FAF1: variants seen among roughly 807,000 people sequenced by gnomAD.
FAF1 encodes Fas associated factor 1.
FAF1 carries 25 observed loss-of-function variants against 92.5 expected under a neutral mutation model. That is an observed-to-expected ratio of 0.27 (90% CI 0.20 to 0.38). FAF1 has a LOEUF of 0.38. Ranked by LOEUF, FAF1 falls within the 10% of genes least tolerant of loss-of-function variation. The pLI, the probability that FAF1 is intolerant of heterozygous loss-of-function variation, is 1.00. For synonymous variants in FAF1, 234 were observed against 273.2 expected (o/e 0.86, Z 1.42); for missense variants, 636 against 793.3 (o/e 0.80, Z 2.38).
At position 50,833,252 on chromosome 1, in the gene FAF1, C is replaced by T. The variant is rs1337219436; in HGVS notation, c.114+24677G>A. Among the ~76,000 whole-genome samples, 7 of 152,090 alleles carry T rather than the reference C, an allele frequency of 4.6e-5. No homozygotes were observed. The East Asian group carries it at 1.3e-3, about 29-fold the overall frequency. ...TCCATCTTGGCTACAAATTTGAAGT[C>T]TCCACAACCCCCTCCTGAGGTCTGA... On this transcript the variant is annotated intron_variant, in intron 2 of 18. Coordinates refer to ENST00000396153, the MANE Select transcript of FAF1 (RefSeq NM_007051.3).
chr1:50,743,891 T>C (rs1454893567), intron 5 of FAF1, among the ~76,000 whole-genome samples: 1 of 151,720 alleles, frequency 6.6e-6, no homozygotes, highest in Non-Finnish European at 1.5e-5. Flanking sequence ...GCCAACATGG[T>C]GAAACCTCAT....
chr1:50,899,084 A>ATTCACTAGTATACAAG (rs944568358), intron 1 of FAF1, among the ~76,000 whole-genome samples: 1 of 151,956 alleles, frequency 6.6e-6, no homozygotes, highest in African/African-American at 2.4e-5. Context: ...CTTCTCTGGA[A>ATTCACTAGTATACAAG]TTCACTAGTA....
chr1:50,729,198 G>A (rs1456992053), intron 6 of FAF1, among the ~76,000 whole-genome samples: 2 of 151,386 alleles, frequency 1.3e-5, no homozygotes, highest in Middle Eastern at 3.4e-3. Context: ...CGGGATAACA[G>A]GCATGCGCCA....
intron 1 of FAF1, among the ~76,000 whole-genome samples, chr1:50,902,486 G>C (rs1280645738): frequency 6.6e-6 from 1 of 152,124 alleles, no homozygotes; most frequent in African/African-American, 2.4e-5. Context: ...TTCTTTAAAA[G>C]TAGGGCTACT....
At chr1:50,795,784 GA>G (rs1661726644) in intron 3 of FAF1, among the ~76,000 whole-genome samples, 1 of 152,124 alleles carries the variant, frequency 6.6e-6, no homozygotes, top group Non-Finnish European at 1.5e-5. Context: ...CATTGAATTG[GA>G]ACTTGAGAAT....
intron 18 of FAF1, among the ~76,000 whole-genome samples, chr1:50,460,409 G>A (rs1341106902): frequency 6.6e-6 from 1 of 152,134 alleles, no homozygotes; most frequent in South Asian, 2.1e-4. Context: ...TCATAGTGCT[G>A]AAGTGCTGTC....
At chr1:50,613,478 CT>C (rs1328381570) in intron 8 of FAF1, among the ~76,000 whole-genome samples, 2 of 152,152 alleles carry the variant, frequency 1.3e-5, no homozygotes, top group African/African-American at 2.4e-5. Flanking sequence ...TATTTCATCT[CT>C]GTGGACTTCA....
intron 4 of FAF1, among the ~76,000 whole-genome samples, chr1:50,779,583 T>C (rs1661086949): frequency 6.6e-6 from 1 of 151,232 alleles, no homozygotes; most frequent in African/African-American, 2.4e-5. Flanking sequence ...TATAGAAAAT[T>C]ATATATAAAA....
At chr1:50,475,388 G>T in intron 18 of FAF1, 76 bp downstream of exon 18, 1 of 1,194,188 alleles carries the variant, frequency 8.4e-7, no homozygotes. Flanking sequence ...GACTTTTCTT[G>T]AACTACTTTG....
At position 50,943,860 on chromosome 1, in the gene FAF1, C is replaced by T. The variant is rs956701158; in HGVS notation, c.45+15907G>A. Among the ~76,000 whole-genome samples the T allele has an allele frequency of 2.6e-5, 4 of 152,314 alleles. No individual in the cohort carries two copies. In the East Asian group the frequency reaches 7.7e-4, roughly 29 times the overall value. On this transcript the variant is annotated intron_variant, in intron 1 of 18. Coordinates refer to ENST00000396153, the MANE Select transcript of FAF1 (RefSeq NM_007051.3). ...CAAAAGAAGTACAGTCCCAAGGACA[C>T]ACATGGTACATCGGAAAAGAGAGGG...
intron 2 of FAF1, among the ~76,000 whole-genome samples, chr1:50,807,460 C>T (rs2124600745): frequency 6.6e-6 from 1 of 152,242 alleles, no homozygotes; most frequent in East Asian, 1.9e-4. Context: ...GGGGAAGTGC[C>T]ACACACTTTT....
intron 2 of FAF1, among the ~76,000 whole-genome samples, chr1:50,804,783 C>CA (rs550621710): frequency 2.0e-4 from 30 of 151,788 alleles, no homozygotes; most frequent in Non-Finnish European, 2.5e-4. Context: ...GAAAGAGAGA[C>CA]AAAAAAAGCC....
At chr1:50,899,005 G>C (rs780931166) in intron 1 of FAF1, among the ~76,000 whole-genome samples, 68 of 152,064 alleles carry the variant, frequency 4.5e-4, no homozygotes, top group Non-Finnish European at 8.7e-4. Flanking sequence ...ACTGCTTGAA[G>C]TTGTCCCACA....
chr1:50,591,024 G>A (rs964858652), intron 9 of FAF1, among the ~76,000 whole-genome samples: 3 of 151,460 alleles, frequency 2.0e-5, no homozygotes, highest in Non-Finnish European at 2.9e-5. Flanking sequence ...TTCTTATCTT[G>A]TTCCTGATTT....
At chr1:50,649,966 AAG>A (rs1333101947) in intron 8 of FAF1, among the ~76,000 whole-genome samples, 6 of 150,742 alleles carry the variant, frequency 4.0e-5, no homozygotes, top group Admixed American at 2.0e-4. Flanking sequence ...GACTCCGTCA[AAG>A]AGAGAGAGAG....
intron 17 of FAF1, among the ~76,000 whole-genome samples, chr1:50,488,586 C>T (rs965143817): frequency 6.6e-6 from 1 of 152,118 alleles, no homozygotes; most frequent in Non-Finnish European, 1.5e-5. Flanking sequence ...CTAATTTCTC[C>T]CTTATCTAAA....
intron 18 of FAF1, among the ~76,000 whole-genome samples, chr1:50,449,841 A>G (rs1646273846): frequency 6.6e-6 from 1 of 151,938 alleles, no homozygotes; most frequent in South Asian, 2.1e-4. Flanking sequence ...TTACTCTATT[A>G]GGAAAACATG....
intron 7 of FAF1, among the ~76,000 whole-genome samples, chr1:50,685,770 A>G (rs1282283696): frequency 6.6e-6 from 1 of 152,184 alleles, no homozygotes; most frequent in East Asian, 1.9e-4. Flanking sequence ...CATTAACTCA[A>G]TATGAAGCTT....
intron 15 of FAF1, 114 bp from the exon 16 acceptor site, chr1:50,491,915 A>G: frequency 1.4e-6 from 1 of 729,078 alleles, no homozygotes; most frequent in South Asian, 1.9e-5. Flanking sequence ...TAATTAAATA[A>G]GAGACTTTTA....
Sources: allele counts gnomAD v4.1 joint callset (sites outside exome capture counted in the v4.1 genomes callset), GRCh38; gene constraint gnomAD v4.1.1; transcripts MANE v1.5; gene names NCBI Gene and HGNC (gene_info 2026-07-23, HGNC 2026-07-21).